Variants in MYRF observed in about 807,000 individuals in gnomAD.
The protein encoded by MYRF is myelin regulatory factor, also known as myelin gene regulatory factor.
In MYRF, 16 loss-of-function variants were observed where a neutral mutation model predicts 126.3. The ratio of observed to expected loss-of-function variants is 0.13; its 90% CI spans 0.09 to 0.19. MYRF has a LOEUF of 0.19. Ranked by LOEUF, MYRF falls within the 10% of genes least tolerant of loss-of-function variation. MYRF has a pLI of 1.00. For missense variants in MYRF, 1,104 were observed against 1,547.0 expected (o/e 0.71, Z 4.80); for synonymous variants, 608 against 635.3 (o/e 0.96, Z 0.65).
chr11:61,765,959 T>C lies in MYRF; in HGVS notation c.136T>C (p.Cys46Arg). The C allele has an allele frequency of 6.6e-7, 1 of 1,508,140 alleles. No homozygotes were observed. Among genetic ancestry groups the C allele is most frequent in the South Asian group, 1.3e-5 (1 of 77,318 alleles). 93.4% of individuals were successfully genotyped at this position (1,508,140 alleles called of 1,614,324 possible). ...YISKEDASDL[C>R]FPDISAPASS... is the part of the protein sequence containing the mutation. ...CTGAGCCGCCCCCCTTCCCCGCAGC[T>C]GCTTCCCTGACATCTCTGCTCCAGC... The change falls in exon 3 of 27, where the codon TGC becomes CGC. Residue 46 changes from cysteine (C) to arginine (R), a missense_variant and splice_region_variant. Transcript: ENST00000278836.
chr11:61,761,266 G>C (rs11230795), intron 1 of MYRF, among the ~76,000 whole-genome samples: 4 of 151,414 alleles, frequency 2.6e-5, no homozygotes, highest in South Asian at 2.1e-4. Context: ...TGGTGGGGGG[G>C]GGGGCACATA....
In MYRF at chr11:61,757,653, C is replaced by T; in HGVS notation, c.46+4863C>T. The T allele has an allele frequency of 7.0e-6, 3 of 425,966 alleles. No homozygotes were observed. The highest frequency in any genetic ancestry group is 3.3e-5 in the South Asian group (2 of 61,480). The allele number at this position is 425,966 out of a possible 1,614,324, so 26.4% of individuals were successfully genotyped here. On this transcript the variant is annotated intron_variant, in intron 1 of 26. Transcript: ENST00000278836. The surrounding 1 kb of genome is among the most constrained non-coding windows in gnomAD (Gnocchi z 4.7). ...TCCAGTGGGGCCCGCCCCACCTCCC[C>T]CTCTGAGATTTGGGTTCTGTTCTTG...
At position 61,766,023 on chromosome 11, in the gene MYRF, C is replaced by G. The variant is rs2066048831; in HGVS notation, c.200C>G (p.Pro67Arg). The change falls in exon 3 of 27, where the codon CCT (proline) becomes CGT (arginine). Residue 67 changes from proline (P) to arginine (R), a missense_variant. Around this residue, in one of 10 missense-constraint regions of MYRF, gnomAD observed 368 missense variants for 403.9 expected, o/e 0.91. Coordinates refer to ENST00000278836, the MANE Select transcript of MYRF (RefSeq NM_001127392.3). ...ASYSHGQPAMPGSSGVHHLSP... is the reference protein window; with the variant it reads ...ASYSHGQPAMRGSSGVHHLSP... ...TACTCCCACGGGCAGCCTGCGATGC[C>G]TGGCTCCAGCGGGGTCCACCACCTG... 1 of 1,589,488 alleles carries G rather than the reference C, an allele frequency of 6.3e-7. No homozygotes were observed. The highest frequency in any genetic ancestry group is 1.8e-5 in the Admixed American group (1 of 56,728).
At chr11:61,764,886 C>CG (rs1565284508) in intron 1 of MYRF, among the ~76,000 whole-genome samples, 1 of 152,216 alleles carries the variant, frequency 6.6e-6, no homozygotes, top group African/African-American at 2.4e-5. Flanking sequence ...GCTGGGAGGC[C>CG]GGGGCAAGCC....
At chr11:61,756,615 C>T (rs2065764770) in intron 1 of MYRF, among the ~76,000 whole-genome samples, 1 of 132,632 alleles carries the variant, frequency 7.5e-6, no homozygotes, top group South Asian at 2.3e-4. Flanking sequence ...CAGTGCAGGG[C>T]AGGGGTGGGG....
intron 1 of MYRF, chr11:61,755,412 C>A (rs757205763): frequency 6.2e-7 from 1 of 1,609,668 alleles, no homozygotes; most frequent in South Asian, 1.1e-5. Context: ...GAGAGGGGAC[C>A]CACCGGGCAG....
rs1489894465 is a variant in MYRF, at chr11:61,783,048, G to GGCTGCGAGGAGCAGCGT, written c.3017-445_3017-429dup. The GGCTGCGAGGAGCAGCGT allele has an allele frequency of 1.9e-5, 3 of 159,036 alleles. No individual in the cohort carries two copies. The highest frequency in any genetic ancestry group is 7.2e-5 in the African/African-American group (3 of 41,662). 9.9% of individuals were successfully genotyped at this position (159,036 alleles called of 1,614,324 possible). On this transcript the variant is annotated intron_variant, in intron 22 of 26. Transcript: ENST00000278836. The surrounding 1 kb of genome is among the most constrained non-coding windows in gnomAD (Gnocchi z 4.6). ...AGCCTGCAGTCGGTTTGTTCAGGGA[G>GGCTGCGAGGAGCAGCGT]GCTGCGAGGAGCAGCGTGCTGGTAG...
At position 61,786,382 on chromosome 11, in the gene MYRF, C is replaced by A; in HGVS notation, c.*239C>A. 1.7e-6 allele frequency: 1 copy of A among 572,642 alleles called. No homozygotes were observed. 35.5% of individuals were successfully genotyped at this position (572,642 alleles called of 1,614,324 possible). A position where few individuals can be genotyped will look rare whatever the true frequency, so the allele number is the denominator to read the frequency against. On this transcript the variant is annotated 3_prime_UTR_variant, in exon 27 of 27. Transcript: ENST00000278836. The surrounding 1 kb of genome is among the most constrained non-coding windows in gnomAD (Gnocchi z 4.5). The stretch of plus-strand genomic sequence containing the variant: ...CTTCTTGGGCCTTCCTGCCTGCCAC[C>A]CCCTAGGGGCCAGGACAGGACCAGT...
At chr11:61,762,459 C>G (rs114453759) in intron 1 of MYRF, among the ~76,000 whole-genome samples, 221 of 152,318 alleles carry the variant, frequency 1.5e-3, no homozygotes, top group African/African-American at 5.0e-3. Flanking sequence ...AGGATCAGAA[C>G]GAGCCATATG....
In MYRF at chr11:61,774,180, C is replaced by T. The variant is rs764466458; in HGVS notation, c.1311+18C>T. ...GAGTGAAGGCAAGTTTGGGGCTCAG[C>T]AAGGAAGGGAGGGCAGGAGGGCCCT... is the stretch of plus-strand genomic sequence containing the variant. On this transcript the variant is annotated intron_variant, in intron 8 of 26. Transcript: ENST00000278836. The T allele has an allele frequency of 2.1e-5, 33 of 1,585,162 alleles. No homozygotes were observed. The Admixed American group carries it at 2.6e-4, about 12-fold the overall frequency.
Position 61,769,196 on chromosome 11 carries a change from C to A in MYRF, c.399-64C>A. 4.1e-6 allele frequency: 4 copies of A among 967,472 alleles called. No individual in the cohort carries two copies. In the South Asian group the frequency reaches 5.8e-5, roughly 14 times the overall value. The allele number at this position is 967,472 out of a possible 1,614,324, so 59.9% of individuals were successfully genotyped here. ...TGTGGGACCCTACCACGCAGAGAAG[C>A]TGCCCAGCTGGAAGGCAGAAGCTCA... On this transcript the variant is annotated intron_variant, in intron 3 of 26. Coordinates refer to ENST00000278836, the MANE Select transcript of MYRF (RefSeq NM_001127392.3).
chr11:61,782,656 T>A (rs1389146834), intron 22 of MYRF: 2 of 152,266 alleles, frequency 1.3e-5, no homozygotes, highest in Non-Finnish European at 2.9e-5. Flanking sequence ...GGACACTTAA[T>A]CCGGACGAAG....
intron 7 of MYRF, among the ~76,000 whole-genome samples, chr11:61,772,255 G>C (rs915751394): frequency 6.6e-6 from 1 of 152,190 alleles, no homozygotes; most frequent in African/African-American, 2.4e-5. Context: ...CTGCATTCCA[G>C]GAAGGTAGCC....
At chr11:61,763,377 C>T (rs967794632) in intron 1 of MYRF, among the ~76,000 whole-genome samples, 3 of 152,214 alleles carry the variant, frequency 2.0e-5, no homozygotes, top group African/African-American at 7.2e-5. Flanking sequence ...GGTAGGCAGT[C>T]AGTGTGAGCT....
In MYRF at chr11:61,784,283, C is replaced by T; in HGVS notation, c.3198C>T (p.Ser1066=). Residue 1066 remains serine, a synonymous_variant, in exon 25 of 27, where the codon TCC becomes TCT. Coordinates refer to ENST00000278836, the MANE Select transcript of MYRF (RefSeq NM_001127392.3). ...TGCTAACTGGGCCTGTCTACAGCTC[C>T]TCCTCCCCCGTGTCTGTGGTGCTGT... The part of the protein sequence containing the change: ...LHLSLTLQMN[S]SSPVSVVLCS... 1 of 1,613,806 alleles carries T rather than the reference C, an allele frequency of 6.2e-7. No individual in the cohort carries two copies. Among genetic ancestry groups the T allele is most frequent in the African/African-American group, 1.3e-5 (1 of 75,008 alleles).
chr11:61,783,999 C>G lies in MYRF; in HGVS notation c.3194+74C>G. 1 of 1,497,492 alleles carries G rather than the reference C, an allele frequency of 6.7e-7. No homozygotes were observed. The highest frequency in any genetic ancestry group is 9.1e-7 in the Non-Finnish European group (1 of 1,096,040). 92.8% of individuals were successfully genotyped at this position (1,497,492 alleles called of 1,614,324 possible). On this transcript the variant is annotated intron_variant, in intron 24 of 26. Transcript: ENST00000278836. This position sits in a 1 kb window ranked among gnomAD's most constrained non-coding sequence, Gnocchi z 4.6. Reference sequence around the variant, plus strand: ...ATCTCCCGCAGAGCCTCAGAACAGCCGAGTCTGAGGACAGCCGGAGAGTCT... The same window carrying G: ...ATCTCCCGCAGAGCCTCAGAACAGCGGAGTCTGAGGACAGCCGGAGAGTCT...
Position 61,770,542 on chromosome 11 carries a change from T to A in MYRF, c.740+17T>A, listed in dbSNP as rs759768117. On this transcript the variant is annotated intron_variant, in intron 5 of 26. Transcript: ENST00000278836. ...CGGAGCTGAGTAAGACGTGGGTGGC[T>A]GGCTCCATGGGGTGGGAAGGTGGGG... 2.0e-5 allele frequency: 31 copies of A among 1,531,924 alleles called. No homozygotes were observed. The East Asian group carries it at 7.0e-4, about 35-fold the overall frequency. The allele number at this position is 1,531,924 out of a possible 1,614,324, so 94.9% of individuals were successfully genotyped here.
intron 17 of MYRF, 103 bp from the exon 18 acceptor site, chr11:61,780,119 C>T (rs2066500155): frequency 7.0e-7 from 1 of 1,419,296 alleles, no homozygotes; most frequent in Non-Finnish European, 9.8e-7. Context: ...GTAGGCATCA[C>T]CTGGGAGCCC....
intron 1 of MYRF, among the ~76,000 whole-genome samples, chr11:61,759,924 C>T (rs887761118): frequency 6.6e-5 from 10 of 152,060 alleles, no homozygotes; most frequent in South Asian, 4.1e-4. Flanking sequence ...TTGACTAAGA[C>T]GGCTCTGGTC....
Sources: gnomAD v4.1 joint callset for allele counts (sites outside exome capture counted in the v4.1 genomes callset) on GRCh38, gnomAD v4.1.1 for gene constraint, gnomAD v4.1.1 regional missense constraint, Gnocchi (gnomAD v3.1) non-coding constraint, MANE v1.5 for transcripts, NCBI Gene and HGNC (gene_info 2026-07-23, HGNC 2026-07-21) for gene names.